KIF16B: variants seen among roughly 807,000 people sequenced by gnomAD.
KIF16B encodes kinesin family member 16B, also known as kinesin-like protein KIF16B.
A neutral mutation model predicts 156.3 loss-of-function variants in KIF16B; 98 were observed. That is an observed-to-expected ratio of 0.63 (90% CI 0.53 to 0.74). KIF16B has a LOEUF of 0.74. Ranked by LOEUF, KIF16B falls within the 30% of genes least tolerant of loss-of-function variation. The pLI, the probability that KIF16B is intolerant of heterozygous loss-of-function variation, is 0.00. For missense variants in KIF16B, 1,421 were observed against 1,606.5 expected (o/e 0.88, Z 1.97); for synonymous variants, 564 against 583.7 (o/e 0.97, Z 0.49).
At position 16,515,529 on chromosome 20, in the gene KIF16B, C is replaced by T. The variant is rs1390745555; in HGVS notation, c.348+19G>A. The stretch of plus-strand genomic sequence containing the variant: ...AAGATAATGAGAAATTTCCTTCCCA[C>T]ACAGTATAAACAACGTACAGAATTT... On this transcript the variant is annotated intron_variant, in intron 4 of 25. Transcript: ENST00000354981. 1 of 1,292,942 alleles carries T rather than the reference C, an allele frequency of 7.7e-7. No individual in the cohort carries two copies. Among genetic ancestry groups the T allele is most frequent in the South Asian group, 1.2e-5 (1 of 84,152 alleles). 80.1% of individuals were successfully genotyped at this position (1,292,942 alleles called of 1,614,324 possible).
At chr20:16,334,745 CCT>C (rs1379711464) in intron 24 of KIF16B, among the ~76,000 whole-genome samples, 1 of 152,140 alleles carries the variant, frequency 6.6e-6, no homozygotes, top group East Asian at 1.9e-4. Flanking sequence ...TCTCTTGCTC[CCT>C]GTCTCCCCAT....
At chr20:16,389,990 C>T (rs2065325229) in intron 17 of KIF16B, among the ~76,000 whole-genome samples, 2 of 152,182 alleles carry the variant, frequency 1.3e-5, no homozygotes, top group African/African-American at 2.4e-5. Context: ...GGGTATCCCA[C>T]AGTAGGCGGA....
intron 17 of KIF16B, among the ~76,000 whole-genome samples, chr20:16,382,545 T>C (rs763732488): frequency 2.0e-5 from 3 of 152,208 alleles, no homozygotes; most frequent in East Asian, 1.9e-4. Flanking sequence ...AACAGATTCA[T>C]AGTGGTGGTA....
chr20:16,388,919 T>C (rs1410282365), intron 17 of KIF16B, among the ~76,000 whole-genome samples: 1 of 152,040 alleles, frequency 6.6e-6, no homozygotes, highest in African/African-American at 2.4e-5. Context: ...CTAAACAGAG[T>C]ATGACTGCCC....
chr20:16,377,535 G>T (rs6043917), intron 19 of KIF16B, among the ~76,000 whole-genome samples: 1 of 151,784 alleles, frequency 6.6e-6, no homozygotes, highest in Non-Finnish European at 1.5e-5. Flanking sequence ...AGTGAGCTAT[G>T]ATCACACTAC....
rs532071495 is a variant in KIF16B, at chr20:16,409,220, G to GA, written c.1613-2765dup. On this transcript the variant is annotated intron_variant, in intron 15 of 25. Coordinates refer to ENST00000354981, the MANE Select transcript of KIF16B (RefSeq NM_024704.5). ...AAAACAAGCTCTGAGAACAAGTTGG[G>GA]AGAGTGTCTTGCATAAAAGCAATAA... 1.3e-3 allele frequency among the ~76,000 whole-genome samples: 201 copies of GA among 152,148 alleles called. 1 individual carries two copies. The highest frequency in any genetic ancestry group is 4.6e-3 in the African/African-American group (192 of 41,542).
chr20:16,327,210 C>T (rs1297730076), intron 24 of KIF16B, among the ~76,000 whole-genome samples: 4 of 151,542 alleles, frequency 2.6e-5, no homozygotes, highest in Admixed American at 2.6e-4. Context: ...GAATGAAAAA[C>T]CAAACATCGT....
At chr20:16,332,510 C>G (rs1052450548) in intron 24 of KIF16B, among the ~76,000 whole-genome samples, 1 of 152,162 alleles carries the variant, frequency 6.6e-6, no homozygotes, top group Non-Finnish European at 1.5e-5. Context: ...CATGAACACA[C>G]GTGTTTGTGG....
chr20:16,462,109 C>CA (rs1256901455), intron 12 of KIF16B, among the ~76,000 whole-genome samples: 4 of 152,102 alleles, frequency 2.6e-5, no homozygotes, highest in South Asian at 4.1e-4. Context: ...GGCATGGTGG[C>CA]ACACGCCTGT....
intron 1 of KIF16B, among the ~76,000 whole-genome samples, chr20:16,561,039 C>G (rs2071039201): frequency 6.6e-6 from 1 of 152,032 alleles, no homozygotes; most frequent in Non-Finnish European, 1.5e-5. Context: ...CCTGTAATCC[C>G]TGCGCTTTGG....
intron 23 of KIF16B, among the ~76,000 whole-genome samples, chr20:16,344,893 C>G (rs1474625317): frequency 6.6e-6 from 1 of 152,140 alleles, no homozygotes; most frequent in East Asian, 1.9e-4. Flanking sequence ...GATGCTGTTG[C>G]TACATTCATT....
chr20:16,448,771 C>A (rs2067001430), intron 12 of KIF16B, among the ~76,000 whole-genome samples: 2 of 152,056 alleles, frequency 1.3e-5, no homozygotes, highest in Admixed American at 1.3e-4. Context: ...ATAAAGGGAA[C>A]AGCATATTCA....
chr20:16,479,680 ATACT>A (rs2067923496), intron 12 of KIF16B, among the ~76,000 whole-genome samples: 1 of 152,180 alleles, frequency 6.6e-6, no homozygotes, highest in Non-Finnish European at 1.5e-5. Flanking sequence ...AGATACATAA[ATACT>A]TACCATTGTG....
chr20:16,428,901 GA>G, intron 14 of KIF16B, 51 bp downstream of exon 14: 1 of 1,494,894 alleles, frequency 6.7e-7, no homozygotes, highest in Admixed American at 1.7e-5. Flanking sequence ...GTTCTTCCTT[GA>G]ATACAACCTT....
At chr20:16,516,914 A>G (rs16997803) in intron 3 of KIF16B, among the ~76,000 whole-genome samples, 36,266 of 152,146 alleles carry the variant, frequency 0.24, 4,945 homozygotes, top group East Asian at 0.36. Flanking sequence ...TTTGAGGAGT[A>G]ACCTAGAGCA....
In KIF16B at chr20:16,429,281, G is replaced by A. The variant is rs143622281; in HGVS notation, c.1423-277C>T. On this transcript the variant is annotated intron_variant, in intron 13 of 25. Transcript: ENST00000354981. ...CACTGATGTTCCTGATCCTTTCTGG[G>A]GAGGTTCTCCAGTGGCCAAGAGATT... Among the ~76,000 whole-genome samples the A allele has an allele frequency of 7.8e-4, 119 of 152,286 alleles. 1 individual carries two copies. In the East Asian group the frequency reaches 0.018, roughly 23 times the overall value.
chr20:16,529,640 T>C (rs1055049311), intron 1 of KIF16B, among the ~76,000 whole-genome samples: 1 of 152,296 alleles, frequency 6.6e-6, no homozygotes, highest in Admixed American at 6.5e-5. Flanking sequence ...AAACATAAGT[T>C]TGATGAGGTT....
At chr20:16,519,059 G>A (rs2069240283) in intron 3 of KIF16B, among the ~76,000 whole-genome samples, 1 of 152,160 alleles carries the variant, frequency 6.6e-6, no homozygotes. Flanking sequence ...AGTTCCTTAA[G>A]CTTACTGAAT....
chr20:16,349,305 T>C (rs189467529), intron 23 of KIF16B, among the ~76,000 whole-genome samples: 1 of 152,304 alleles, frequency 6.6e-6, no homozygotes, highest in East Asian at 1.9e-4. Flanking sequence ...TTCCTCTACA[T>C]CTCTGTGTGC....
Sources: allele counts gnomAD v4.1 joint callset (sites outside exome capture counted in the v4.1 genomes callset), GRCh38; gene constraint gnomAD v4.1.1; transcripts MANE v1.5; gene names NCBI Gene and HGNC (gene_info 2026-07-23, HGNC 2026-07-21).